Variants in DRC10 observed in about 807,000 individuals in gnomAD.
DRC10 encodes the protein IQ domain-containing protein D.
the DRC10 span, chr12:113,208,165 A>C: frequency 6.2e-7 from 1 of 1,610,738 alleles, no homozygotes; most frequent in Non-Finnish European, 8.5e-7. Context: ...GTCTAAAGCC[A>C]TCTTGTGAGC....
the DRC10 span, among the ~76,000 whole-genome samples, chr12:113,211,485 C>T: frequency 3.3e-5 from 5 of 152,048 alleles, no homozygotes; most frequent in African/African-American, 1.2e-4. Flanking sequence ...AATATCAGGC[C>T]AGGTATCATG....
At chr12:113,213,681 G>A in the DRC10 span, among the ~76,000 whole-genome samples, 3 of 152,214 alleles carry the variant, frequency 2.0e-5, no homozygotes, top group East Asian at 1.9e-4. Context: ...ACTTCTGGCC[G>A]GGCGCAGTGG....
the DRC10 span, among the ~76,000 whole-genome samples, chr12:113,211,219 C>A: frequency 1.3e-5 from 2 of 152,164 alleles, no homozygotes; most frequent in Admixed American, 6.5e-5. Flanking sequence ...GTAGCTGATA[C>A]TACAGGCACG....
At chr12:113,200,545 C>A in the DRC10 span, 70 of 1,112,310 alleles carry the variant, frequency 6.3e-5, no homozygotes, top group Non-Finnish European at 8.7e-5. Flanking sequence ...CCACCAGGGG[C>A]CCCCTCGGCC....
the DRC10 span, chr12:113,200,392 G>A: frequency 1.4e-6 from 1 of 701,008 alleles, no homozygotes; most frequent in Non-Finnish European, 2.6e-6. Context: ...CTGCCTCCCA[G>A]GAGACACTGG....
At chr12:113,208,450 T>G in the DRC10 span, 1 of 839,436 alleles carries the variant, frequency 1.2e-6, no homozygotes, top group African/African-American at 1.7e-5. Flanking sequence ...GAAGACCAAG[T>G]GTGGAGGCAT....
chr12:113,213,269 G>A, the DRC10 span, among the ~76,000 whole-genome samples: 2 of 151,202 alleles, frequency 1.3e-5, no homozygotes, highest in African/African-American at 4.9e-5. Context: ...CTTAATTTAG[G>A]TTCGGGTTAC....
the DRC10 span, among the ~76,000 whole-genome samples, chr12:113,201,625 G>A: frequency 6.6e-6 from 1 of 152,240 alleles, no homozygotes; most frequent in Admixed American, 6.5e-5. Flanking sequence ...TGCCTTGGGT[G>A]GATTCTAGAA....
the DRC10 span, among the ~76,000 whole-genome samples, chr12:113,199,480 C>T: frequency 1.3e-5 from 2 of 152,160 alleles, no homozygotes; most frequent in South Asian, 2.1e-4. Context: ...ATGGGTAGGC[C>T]GGCTTCAGGG....
the DRC10 span, among the ~76,000 whole-genome samples, chr12:113,198,987 G>A: frequency 3.3e-5 from 5 of 152,194 alleles, no homozygotes; most frequent in African/African-American, 1.2e-4. Context: ...ACCCAGGCTG[G>A]AGTGCAGTGG....
At chr12:113,201,555 C>T in the DRC10 span, among the ~76,000 whole-genome samples, 1 of 152,334 alleles carries the variant, frequency 6.6e-6, no homozygotes, top group East Asian at 1.9e-4. Context: ...GTGCGATGAA[C>T]ACAGGCTGCA....
chr12:113,205,902 C>CAAAAAA, the DRC10 span, among the ~76,000 whole-genome samples: 3 of 47,984 alleles, frequency 6.3e-5, no homozygotes, highest in Admixed American at 2.3e-4. Flanking sequence ...GACTCCGTCT[C>CAAAAAA]AAAAAAAAAA....
the DRC10 span, among the ~76,000 whole-genome samples, chr12:113,206,829 G>A: frequency 6.6e-6 from 1 of 151,902 alleles, no homozygotes. Flanking sequence ...GGAGGCCAAG[G>A]CGGAAGGATC....
the DRC10 span, chr12:113,195,576 C>T: frequency 6.3e-7 from 1 of 1,586,114 alleles, no homozygotes; most frequent in Non-Finnish European, 8.6e-7. Context: ...GTGGAGAGCT[C>T]ATTTCTTGCC....
chr12:113,204,250 C>A, the DRC10 span, among the ~76,000 whole-genome samples: 1 of 152,206 alleles, frequency 6.6e-6, no homozygotes, highest in Non-Finnish European at 1.5e-5. Flanking sequence ...CTAAAAACTT[C>A]TAGAAACCAA....
the DRC10 span, among the ~76,000 whole-genome samples, chr12:113,211,323 C>T: frequency 2.0e-5 from 3 of 152,120 alleles, no homozygotes; most frequent in South Asian, 2.1e-4. Context: ...CTTGAAGCCA[C>T]AAAAGATAAC....
At chr12:113,218,061 T>C in the DRC10 span, among the ~76,000 whole-genome samples, 1 of 152,110 alleles carries the variant, frequency 6.6e-6, no homozygotes, top group South Asian at 2.1e-4. Context: ...TATCCTACAA[T>C]TGGCAGGATA....
At chr12:113,208,418 G>A in the DRC10 span, 93 of 1,243,372 alleles carry the variant, frequency 7.5e-5, no homozygotes, top group East Asian at 3.1e-3. Flanking sequence ...GCTTTGTGAG[G>A]GTGTTAGGGC....
At chr12:113,212,142 C>T in the DRC10 span, among the ~76,000 whole-genome samples, 5 of 150,534 alleles carry the variant, frequency 3.3e-5, no homozygotes, top group African/African-American at 7.3e-5. Flanking sequence ...GTGATTTGGG[C>T]TCACTGCAAC....
Sources: allele counts gnomAD v4.1 joint callset (sites outside exome capture counted in the v4.1 genomes callset), GRCh38; gene constraint gnomAD v4.1.1; transcripts MANE v1.5; gene names NCBI Gene and HGNC (gene_info 2026-07-23, HGNC 2026-07-21).